CGNL1: variants seen among roughly 807,000 people sequenced by gnomAD.
CGNL1 encodes cingulin like 1.
A neutral mutation model predicts 141.2 loss-of-function variants in CGNL1; 132 were observed. The ratio of observed to expected loss-of-function variants is 0.93; its 90% CI spans 0.81 to 1.08. The LOEUF (loss-of-function observed/expected upper bound fraction) is 1.08. Ranked by LOEUF, CGNL1 falls within the 50% of genes least tolerant of loss-of-function variation. CGNL1 has a pLI of 0.00. For synonymous variants in CGNL1, 690 were observed against 622.1 expected (o/e 1.11, Z -1.63); for missense variants, 1,870 against 1,588.6 (o/e 1.18, Z -3.01).
rs760714050 is a variant in CGNL1 at position 57,442,388 on chromosome 15, C to T, written c.1713C>T (p.Asp571=). 11 of 1,610,844 alleles carry T rather than the reference C, an allele frequency of 6.8e-6. No individual in the cohort carries two copies. Among genetic ancestry groups the T allele is most frequent in the South Asian group, 3.3e-5 (3 of 90,972 alleles). ...CCTTTTTCAGAAGCACTGATAATGA[C>T]GATGCTACTAAAAGGAAAGTCAACT... is the stretch of plus-strand genomic sequence containing the variant. ...NYLKEGSTDN[D]DATKRKVNLV... The change falls in exon 4 of 19, where the codon GAC becomes GAT. Residue 571 remains aspartate (D), a synonymous_variant. Coordinates refer to ENST00000281282, the MANE Select transcript of CGNL1 (RefSeq NM_032866.5).
At chr15:57,497,338 G>A (rs140759804) in intron 8 of CGNL1, among the ~76,000 whole-genome samples, 12 of 132,090 alleles carry the variant, frequency 9.1e-5, no homozygotes, top group East Asian at 2.6e-4. Context: ...AACAGGCCTC[G>A]TTAGATTGGA....
chr15:57,378,643 A>G (rs965820672), intron 1 of CGNL1, among the ~76,000 whole-genome samples: 1 of 151,962 alleles, frequency 6.6e-6, no homozygotes, highest in South Asian at 2.1e-4. Flanking sequence ...TCGGCCTCTC[A>G]AAGTGCTGGG....
intron 12 of CGNL1, 114 bp from the exon 13 acceptor site, chr15:57,528,540 T>A: frequency 9.8e-7 from 1 of 1,016,248 alleles, no homozygotes; most frequent in South Asian, 1.5e-5. Context: ...ATCTCCCATA[T>A]TGTGGGAGTC....
In CGNL1 at chr15:57,543,901, G is replaced by A. The variant is rs1203448296; in HGVS notation, c.3375+122G>A. 2.8e-5 allele frequency: 19 copies of A among 668,438 alleles called. 1 individual carries two copies. The highest frequency in any genetic ancestry group is 2.8e-4 in the South Asian group (14 of 50,810). The allele number at this position is 668,438 out of a possible 1,614,324, so 41.4% of individuals were successfully genotyped here. A position where few individuals can be genotyped will look rare whatever the true frequency, so the allele number is the denominator to read the frequency against. ...TACTTGGCATCCCAAGAACTCTGGG[G>A]GGTAACAGTCCTTTTCCAGAGTTGT... On this transcript the variant is annotated intron_variant, in intron 15 of 18. Transcript: ENST00000281282.
intron 8 of CGNL1, among the ~76,000 whole-genome samples, chr15:57,495,029 T>C (rs2063917677): frequency 6.6e-6 from 1 of 152,204 alleles, no homozygotes; most frequent in African/African-American, 2.4e-5. Context: ...TGGAAATGGC[T>C]TGAATGAAGG....
chr15:57,473,899 CTTTTTTTTTTT>C (rs59761174), intron 8 of CGNL1, among the ~76,000 whole-genome samples: 62 of 70,680 alleles, frequency 8.8e-4, no homozygotes, highest in African/African-American at 3.1e-3. Flanking sequence ...TCTTCTTCTT[CTTTTTTTTTTT>C]TTTTTTTTTT....
chr15:57,386,135 T>C (rs1055285730), intron 1 of CGNL1, among the ~76,000 whole-genome samples: 1 of 152,356 alleles, frequency 6.6e-6, no homozygotes, highest in South Asian at 2.1e-4. Context: ...TTAACTTCAT[T>C]TGAAACTTGC....
intron 1 of CGNL1, among the ~76,000 whole-genome samples, chr15:57,408,451 T>G (rs1257709404): frequency 9.2e-5 from 14 of 152,178 alleles, no homozygotes; most frequent in African/African-American, 3.4e-4. Context: ...AGAATGTGAC[T>G]TTTAAGCCCC....
At chr15:57,395,056 A>G (rs1232350131) in intron 1 of CGNL1, among the ~76,000 whole-genome samples, 3 of 152,230 alleles carry the variant, frequency 2.0e-5, no homozygotes, top group African/African-American at 7.2e-5. Flanking sequence ...GGTTGCGGTG[A>G]GCTGAGATCA....
intron 7 of CGNL1, among the ~76,000 whole-genome samples, chr15:57,461,336 G>A (rs568868271): frequency 6.6e-6 from 1 of 152,266 alleles, no homozygotes; most frequent in South Asian, 2.1e-4. Context: ...GCACACACAG[G>A]GCAAGAGCAA....
At chr15:57,546,049 C>T in intron 17 of CGNL1, 27 bp from the exon 18 acceptor site, 2 of 1,599,966 alleles carry the variant, frequency 1.3e-6, no homozygotes, top group South Asian at 2.3e-5. Context: ...TCAGCCGGCA[C>T]TCAGCCCACA....
intron 1 of CGNL1, among the ~76,000 whole-genome samples, chr15:57,397,813 C>G (rs1282695655): frequency 1.3e-5 from 2 of 149,402 alleles, no homozygotes; most frequent in African/African-American, 2.5e-5. Context: ...GATGGAGTCT[C>G]TCTCTGTCGC....
intron 1 of CGNL1, among the ~76,000 whole-genome samples, chr15:57,410,191 C>T (rs571228623): frequency 2.6e-5 from 4 of 152,156 alleles, no homozygotes; most frequent in African/African-American, 4.8e-5. Context: ...AGACAGACTC[C>T]GTCAGGATCC....
At chr15:57,533,250 G>A (rs1392224989) in intron 14 of CGNL1, among the ~76,000 whole-genome samples, 1 of 152,176 alleles carries the variant, frequency 6.6e-6, no homozygotes, top group African/African-American at 2.4e-5. Flanking sequence ...ATCTGGAGCT[G>A]CAACAGCTTA....
chr15:57,548,858 G>T lies in CGNL1; in HGVS notation c.*1368G>T, dbSNP rs1028526262. 5 of 152,628 alleles carry T rather than the reference G, an allele frequency of 3.3e-5. No homozygotes were observed. Among genetic ancestry groups the T allele is most frequent in the African/African-American group, 1.2e-4 (5 of 41,440 alleles). The allele number at this position is 152,628 out of a possible 1,614,324, so 9.5% of individuals were successfully genotyped here. On this transcript the variant is annotated 3_prime_UTR_variant, in exon 19 of 19. Transcript: ENST00000281282. ...TGAGAGAGGAGATAGGCAGATGTGG[G>T]TATGGGGCCCAGTGTGAGAAGGAAG...
chr15:57,517,012 G>T (rs368681457), intron 9 of CGNL1, 26 bp downstream of exon 9: 2 of 1,597,794 alleles, frequency 1.3e-6, no homozygotes, highest in African/African-American at 1.3e-5. Flanking sequence ...CCCAGGCCCA[G>T]CTTTGGCAGC....
chr15:57,496,971 C>A (rs2063947688), intron 8 of CGNL1, among the ~76,000 whole-genome samples: 2 of 152,180 alleles, frequency 1.3e-5, no homozygotes, highest in Non-Finnish European at 1.5e-5. Flanking sequence ...TCCGGCAATG[C>A]TGAGAAGGAT....
chr15:57,517,926 CTG>C (rs142720300), intron 9 of CGNL1, among the ~76,000 whole-genome samples: 53,212 of 151,482 alleles, frequency 0.35, 9,953 homozygotes, highest in Non-Finnish European at 0.42. Flanking sequence ...TTTTATAAAA[CTG>C]TGTGTGTGGG....
intron 1 of CGNL1, among the ~76,000 whole-genome samples, chr15:57,420,701 C>T (rs2062905007): frequency 1.3e-5 from 2 of 152,180 alleles, no homozygotes; most frequent in Admixed American, 1.3e-4. Flanking sequence ...TTTCTATCAC[C>T]TCCTTCTGTG....
Sources: allele counts gnomAD v4.1 joint callset (sites outside exome capture counted in the v4.1 genomes callset), GRCh38; gene constraint gnomAD v4.1.1; transcripts MANE v1.5; gene names NCBI Gene and HGNC (gene_info 2026-07-23, HGNC 2026-07-21).